Variants in SDS observed in about 807,000 individuals in gnomAD.
The protein encoded by SDS is L-serine dehydratase/L-threonine deaminase.
Under a neutral mutation model 29.3 loss-of-function variants are expected in SDS, and 19 were observed. The ratio of observed to expected loss-of-function variants is 0.65; its 90% CI spans 0.45 to 0.95. The LOEUF is 0.95. SDS is among the 40% of genes least tolerant of loss of function. The pLI is 0.00. For synonymous variants in SDS, 176 were observed against 189.0 expected (o/e 0.93, Z 0.56); for missense variants, 375 against 439.9 (o/e 0.85, Z 1.32).
In SDS at chr12:113,398,936, T is replaced by A. The variant is rs111765227; in HGVS notation, c.194-90A>T. Reference sequence around the variant, plus strand: ...GTACCCTCTACTGGGGGCTCTGGAGTTCCCCCCTCACCTCCCCACCCTGGG... The same window carrying A: ...GTACCCTCTACTGGGGGCTCTGGAGATCCCCCCTCACCTCCCCACCCTGGG... On this transcript the variant is annotated intron_variant, in intron 3 of 7. Transcript: ENST00000257549. The A allele has an allele frequency of 3.2e-3, 4,789 of 1,520,282 alleles. 119 individuals are homozygous for A. The African/African-American group carries it at 0.056, about 18-fold the overall frequency. The allele number at this position is 1,520,282 out of a possible 1,614,324, so 94.2% of individuals were successfully genotyped here.
chr12:113,393,869 T>C lies in SDS; in HGVS notation c.778+23A>G, dbSNP rs771182291. The C allele has an allele frequency of 2.5e-6, 4 of 1,613,866 alleles. No homozygotes were observed. In the South Asian group the frequency reaches 4.4e-5, roughly 18 times the overall value. ...TTAGCGCCTGAGTCAGCAGGTCAGG[T>C]CATGGGAGGACCTGGCACATACCCA... On this transcript the variant is annotated intron_variant, in intron 7 of 7. Coordinates refer to ENST00000257549, the MANE Select transcript of SDS (RefSeq NM_006843.3).
At position 113,397,329 on chromosome 12, in the gene SDS, G is replaced by C; in HGVS notation, c.489C>G (p.Ile163Met). Residue 163 changes from isoleucine to methionine, a missense_variant, in exon 6 of 8, where the codon ATC (isoleucine) becomes ATG (methionine). By Grantham distance (10) the Ile-to-Met change is conservative (BLOSUM62 1). Transcript: ENST00000257549. ...KETLWEKPGA[I>M]ALSVGGGGLL... ...GGCCCCCGCCGCCCACTGACAGCGC[G>C]ATGGCCCCCGGCTTTTCCCACAGTG... 1 of 1,613,992 alleles carries C rather than the reference G, an allele frequency of 6.2e-7. No homozygotes were observed. The highest frequency in any genetic ancestry group is 2.2e-5 in the East Asian group (1 of 44,890).
At chr12:113,396,831 A>C in intron 6 of SDS, 2 of 345,372 alleles carry the variant, frequency 5.8e-6, no homozygotes, top group African/African-American at 2.0e-5. Flanking sequence ...AGAGGTGGGA[A>C]TCTCTCTATG....
chr12:113,398,423 G>T, intron 5 of SDS, 92 bp downstream of exon 5: 1 of 801,140 alleles, frequency 1.2e-6, no homozygotes, highest in Non-Finnish European at 2.1e-6. Flanking sequence ...TGCTGTGCAT[G>T]AGGACGTGAT....
In SDS at chr12:113,398,699, G is replaced by A. The variant is rs1957664481; in HGVS notation, c.333+8C>T. ...CCTCTCTCTTCCTTGCCCTGGGTCG[G>A]CACTCACCTCACCCACCACCTTGAC... On this transcript the variant is annotated splice_region_variant and intron_variant, in intron 4 of 7. Coordinates refer to ENST00000257549, the MANE Select transcript of SDS (RefSeq NM_006843.3). 1 of 1,613,738 alleles carries A rather than the reference G, an allele frequency of 6.2e-7. No homozygotes were observed. The highest frequency in any genetic ancestry group is 8.5e-7 in the Non-Finnish European group (1 of 1,179,732).
In SDS at chr12:113,397,507, C is replaced by T. The variant is rs1226943072; in HGVS notation, c.426-115G>A. 7 of 844,012 alleles carry T rather than the reference C, an allele frequency of 8.3e-6. No homozygotes were observed. The East Asian group carries it at 1.3e-4, about 16-fold the overall frequency. 52.3% of individuals were successfully genotyped at this position (844,012 alleles called of 1,614,324 possible). On this transcript the variant is annotated intron_variant, in intron 5 of 7. Coordinates refer to ENST00000257549, the MANE Select transcript of SDS (RefSeq NM_006843.3). ...GGGCCTGGAGCTAGTTCCCTCCCCA[C>T]CCCCAACCTTGGCTTCTAGCTGCCA...
chr12:113,398,961 G>T, intron 3 of SDS, 115 bp from the exon 4 acceptor site: 2 of 1,520,388 alleles, frequency 1.3e-6, no homozygotes, highest in Non-Finnish European at 1.8e-6. Context: ...CCCACCCTGG[G>T]CGACTGCTGG....
At position 113,398,869 on chromosome 12, in the gene SDS, G is replaced by C. The variant is rs369470315; in HGVS notation, c.194-23C>G. The C allele has an allele frequency of 1.8e-4, 288 of 1,580,088 alleles. No homozygotes were observed. The African/African-American group carries it at 3.3e-3, about 18-fold the overall frequency. ...CCGCTGCCAGGGTCGGGGGTGGAGA[G>C]CGTGTCAGTGCGGGAGCATCTGGGA... On this transcript the variant is annotated intron_variant, in intron 3 of 7. Coordinates refer to ENST00000257549, the MANE Select transcript of SDS (RefSeq NM_006843.3).
Position 113,398,695 on chromosome 12 carries a change from G to T in SDS, c.333+12C>A, listed in dbSNP as rs543211681. On this transcript the variant is annotated intron_variant, in intron 4 of 7. Transcript: ENST00000257549. ...GCGCCCTCTCTCTTCCTTGCCCTGG[G>T]TCGGCACTCACCTCACCCACCACCT... 4 of 1,613,582 alleles carry T rather than the reference G, an allele frequency of 2.5e-6. No homozygotes were observed. The highest frequency in any genetic ancestry group is 1.3e-5 in the African/African-American group (1 of 75,064).
At chr12:113,396,443 TTCTTTCTC>T (rs909899045) in intron 6 of SDS, among the ~76,000 whole-genome samples, 2 of 150,476 alleles carry the variant, frequency 1.3e-5, no homozygotes, top group African/African-American at 5.0e-5. Flanking sequence ...CTCTTTCTTT[TTCTTTCTC>T]TCTTTCTCTT....
Position 113,399,119 on chromosome 12 carries a change from G to A in SDS, c.186C>T (p.Cys62=). 1 of 1,614,040 alleles carries A rather than the reference G, an allele frequency of 6.2e-7. No individual in the cohort carries two copies. Among genetic ancestry groups the A allele is most frequent in the Non-Finnish European group, 8.5e-7 (1 of 1,179,944 alleles). Reference sequence around the variant, plus strand: ...GGGAAGCAGATCACTTACCCGAGGAGCAGACAAAATGTGCACAGCCTTGCT... The same window carrying A: ...GGGAAGCAGATCACTTACCCGAGGAACAGACAAAATGTGCACAGCCTTGCT... ...WAKQGCAHFV[C]SSAGNAGMAA... The change falls in exon 3 of 8, where the codon TGC becomes TGT. Residue 62 remains cysteine (C), a synonymous_variant. Transcript: ENST00000257549.
At position 113,397,156 on chromosome 12, in the gene SDS, G is replaced by T; in HGVS notation, c.653+9C>A. 1 of 1,613,374 alleles carries T rather than the reference G, an allele frequency of 6.2e-7. No homozygotes were observed. The highest frequency in any genetic ancestry group is 8.5e-7 in the Non-Finnish European group (1 of 1,179,374). On this transcript the variant is annotated intron_variant, in intron 6 of 7. Coordinates refer to ENST00000257549, the MANE Select transcript of SDS (RefSeq NM_006843.3). ...CTGGACACCCGAGGGAGGCACCCCAGCTGCTCACCTGGTGATCTTGGGCAG... is the reference window on the plus strand; with the variant it reads ...CTGGACACCCGAGGGAGGCACCCCATCTGCTCACCTGGTGATCTTGGGCAG...
At chr12:113,397,116 A>T (rs775489601) in intron 6 of SDS, 49 bp downstream of exon 6, 1 of 1,502,582 alleles carries the variant, frequency 6.7e-7, no homozygotes, top group Non-Finnish European at 9.2e-7. Context: ...CCTAAGGGGG[A>T]CTCCCCAGTG....
At position 113,394,131 on chromosome 12, in the gene SDS, G is replaced by A. The variant is rs1957630470; in HGVS notation, c.654-115C>T. The A allele has an allele frequency of 2.4e-5, 23 of 963,160 alleles. No homozygotes were observed. In the South Asian group the frequency reaches 3.4e-4, roughly 14 times the overall value. 59.7% of individuals were successfully genotyped at this position (963,160 alleles called of 1,614,324 possible). On this transcript the variant is annotated intron_variant, in intron 6 of 7. Transcript: ENST00000257549. ...GACAGAGAAGGCAATGCATCTGGGG[G>A]CAGGGGGACAGGTATCACCTCTGCA...
intron 1 of SDS, among the ~76,000 whole-genome samples, chr12:113,401,267 A>G (rs1957683170): frequency 6.6e-6 from 1 of 152,218 alleles, no homozygotes; most frequent in African/African-American, 2.4e-5. Flanking sequence ...AAAAAACAAA[A>G]TAACCTAACT....
intron 1 of SDS, among the ~76,000 whole-genome samples, chr12:113,402,991 C>T (rs1303263478): frequency 6.6e-6 from 1 of 152,206 alleles, no homozygotes; most frequent in Non-Finnish European, 1.5e-5. Flanking sequence ...GAAATCTGGG[C>T]TGGACACCTT....
At chr12:113,397,791 G>A (rs1957657030) in intron 5 of SDS, among the ~76,000 whole-genome samples, 1 of 152,066 alleles carries the variant, frequency 6.6e-6, no homozygotes, top group South Asian at 2.1e-4. Context: ...TTTTGGACTG[G>A]ATGATAGAAA....
intron 4 of SDS, 35 bp downstream of exon 4, chr12:113,398,672 G>T: frequency 2.5e-6 from 4 of 1,608,712 alleles, no homozygotes; most frequent in Non-Finnish European, 3.4e-6. Flanking sequence ...GCCACCAGGC[G>T]CCCTCTCTCT....
chr12:113,392,987 C>T lies in SDS; in HGVS notation c.941G>A (p.Arg314Gln), dbSNP rs371260220. 63 of 1,614,022 alleles carry T rather than the reference C, an allele frequency of 3.9e-5. No homozygotes were observed. Among genetic ancestry groups the T allele is most frequent in the East Asian group, 4.5e-5 (2 of 44,896 alleles). ...CATGCCCAGCTGTTCCTTGAGCGCC[C>T]GCAGCTGGGCCAGGCTGATGTTGCT... is the stretch of plus-strand genomic sequence containing the variant. ...GGSNISLAQL[R>Q]ALKEQLGMTN... The change falls in exon 8 of 8, where the codon CGG (arginine) becomes CAG (glutamine). Residue 314 changes from arginine (R) to glutamine (Q), a missense_variant. Physicochemically the swap from Arg to Gln is conservative, Grantham distance 43. Coordinates refer to ENST00000257549, the MANE Select transcript of SDS (RefSeq NM_006843.3).
Sources: gnomAD v4.1 joint callset for allele counts (sites outside exome capture counted in the v4.1 genomes callset) on GRCh38, gnomAD v4.1.1 for gene constraint, MANE v1.5 for transcripts, NCBI Gene and HGNC (gene_info 2026-07-23, HGNC 2026-07-21) for gene names.